ANO4: variants seen among roughly 807,000 people sequenced by gnomAD.
The protein encoded by ANO4 is anoctamin 4.
In ANO4, 69 loss-of-function variants were observed where a neutral mutation model predicts 141.9. The ratio of observed to expected loss-of-function variants is 0.49; its 90% confidence interval spans 0.40 to 0.59. The LOEUF is 0.59. Ranked by LOEUF, ANO4 falls within the 20% of genes least tolerant of loss-of-function variation. The pLI is 0.00. For missense variants in ANO4, 894 were observed against 1,162.2 expected (o/e 0.77, Z 3.36); for synonymous variants, 350 against 394.3 (o/e 0.89, Z 1.33).
intron 9 of ANO4, among the ~76,000 whole-genome samples, chr12:101,025,027 A>G (rs1036530025): frequency 6.6e-6 from 1 of 152,212 alleles, no homozygotes; most frequent in Non-Finnish European, 1.5e-5. Context: ...TTGAGAAATT[A>G]TGATAATCTC....
intron 3 of ANO4, among the ~76,000 whole-genome samples, chr12:100,785,682 A>G (rs1302117114): frequency 2.0e-5 from 3 of 152,176 alleles, no homozygotes; most frequent in African/African-American, 4.8e-5. Flanking sequence ...AGTTTTGGCA[A>G]TTATGAATAA....
chr12:101,029,835 G>A (rs60084762), intron 9 of ANO4, among the ~76,000 whole-genome samples: 33,529 of 145,756 alleles, frequency 0.23, 4,079 homozygotes, highest in Non-Finnish European at 0.28. Flanking sequence ...GCTTGAGCCC[G>A]GGAGACAGAG....
At chr12:101,091,209 C>T (rs936578259) in intron 17 of ANO4, among the ~76,000 whole-genome samples, 5 of 152,002 alleles carry the variant, frequency 3.3e-5, no homozygotes, top group South Asian at 4.1e-4. Context: ...AGGTTGCTAA[C>T]GCAAGAATAC....
chr12:100,829,793 G>T (rs982633911), intron 1 of ANO4, among the ~76,000 whole-genome samples: 8 of 152,100 alleles, frequency 5.3e-5, no homozygotes, highest in Admixed American at 1.3e-4. Flanking sequence ...TCTTTCTTTG[G>T]CTTGATAAAT....
rs186162043 is a variant in ANO4, at chr12:101,000,459, G to A, written c.734+12789G>A. Among the ~76,000 whole-genome samples, 143 of 152,012 alleles carry A rather than the reference G, an allele frequency of 9.4e-4. 2 individuals are homozygous for A. The highest frequency in any genetic ancestry group is 7.6e-4 in the Non-Finnish European group (52 of 67,980). The stretch of plus-strand genomic sequence containing the variant: ...AAGAGTTTTTTTTATTGTTTTCATC[G>A]ATCTGAAATCTTTAGAGAATCCTTC... On this transcript the variant is annotated intron_variant, in intron 8 of 27. Transcript: ENST00000392977.
At chr12:100,840,538 T>C (rs1319877429) in intron 1 of ANO4, among the ~76,000 whole-genome samples, 2 of 152,116 alleles carry the variant, frequency 1.3e-5, no homozygotes, top group African/African-American at 2.4e-5. Context: ...GGAACCTAGA[T>C]TGGGTGACTC....
intron 14 of ANO4, among the ~76,000 whole-genome samples, chr12:101,061,510 AG>A (rs770342576): frequency 2.6e-5 from 4 of 152,054 alleles, no homozygotes; most frequent in Admixed American, 6.5e-5. Context: ...CATCACTTTC[AG>A]GTACACCAAT....
chr12:101,022,240 A>T (rs1376280167), intron 9 of ANO4, among the ~76,000 whole-genome samples: 2 of 152,192 alleles, frequency 1.3e-5, no homozygotes, highest in Non-Finnish European at 2.9e-5. Flanking sequence ...AGTTAAACAC[A>T]TTCCCATTTC....
chr12:100,862,763 CTA>C (rs1177250350), intron 1 of ANO4, among the ~76,000 whole-genome samples: 1 of 152,160 alleles, frequency 6.6e-6, no homozygotes, highest in Non-Finnish European at 1.5e-5. Flanking sequence ...ATTATAATGG[CTA>C]TGACATCACT....
chr12:100,916,108 A>G (rs2041327121), intron 2 of ANO4, among the ~76,000 whole-genome samples: 1 of 152,160 alleles, frequency 6.6e-6, no homozygotes, highest in African/African-American at 2.4e-5. Context: ...ATAAAATTGG[A>G]AAATCATGAA....
intron 3 of ANO4, among the ~76,000 whole-genome samples, chr12:100,933,361 C>A (rs575644191): frequency 7.9e-5 from 12 of 152,222 alleles, no homozygotes; most frequent in African/African-American, 2.4e-4. Flanking sequence ...TGAGTGAGAG[C>A]ATGCGGTGTT....
intron 8 of ANO4, among the ~76,000 whole-genome samples, chr12:100,988,557 A>G (rs2044844043): frequency 6.6e-6 from 1 of 151,898 alleles, no homozygotes; most frequent in African/African-American, 2.4e-5. Context: ...AAAAAAAAAA[A>G]AAAAGGTTGC....
chr12:100,930,552 T>TA (rs1170385524), intron 3 of ANO4, among the ~76,000 whole-genome samples: 1 of 152,164 alleles, frequency 6.6e-6, no homozygotes. Flanking sequence ...TGTCTGTTTT[T>TA]ATGCCAGTTC....
At chr12:101,012,825 T>A (rs2046154485) in intron 8 of ANO4, among the ~76,000 whole-genome samples, 1 of 152,004 alleles carries the variant, frequency 6.6e-6, no homozygotes, top group African/African-American at 2.4e-5. Context: ...TGAGAAAGGG[T>A]CAGATTCAGG....
chr12:101,003,004 C>T (rs989117222), intron 8 of ANO4, among the ~76,000 whole-genome samples: 1 of 152,206 alleles, frequency 6.6e-6, no homozygotes, highest in African/African-American at 2.4e-5. Context: ...CTCTCCTCCC[C>T]ACAAACCTCA....
intron 9 of ANO4, among the ~76,000 whole-genome samples, chr12:101,028,780 T>G (rs1356682580): frequency 1.3e-5 from 2 of 152,152 alleles, no homozygotes; most frequent in Non-Finnish European, 2.9e-5. Flanking sequence ...CAGGAGAATT[T>G]CCCTAACCTA....
At chr12:100,720,473 A>G (rs949563233) in intron 1 of ANO4, among the ~76,000 whole-genome samples, 2 of 151,790 alleles carry the variant, frequency 1.3e-5, no homozygotes, top group Non-Finnish European at 2.9e-5. Flanking sequence ...CTAGAAGGTC[A>G]TTGTGGCTAG....
At chr12:100,853,590 A>G (rs1369613261) in intron 1 of ANO4, among the ~76,000 whole-genome samples, 3 of 149,624 alleles carry the variant, frequency 2.0e-5, no homozygotes, top group Middle Eastern at 3.2e-3. Context: ...TAGTTTTTAA[A>G]TAACTTTTGG....
chr12:101,013,782 T>G (rs182544129), intron 8 of ANO4, among the ~76,000 whole-genome samples: 3 of 152,342 alleles, frequency 2.0e-5, no homozygotes, highest in Admixed American at 2.0e-4. Context: ...ATTTTCATGA[T>G]CTCAGAAATT....
Sources: gnomAD v4.1 joint callset for allele counts (sites outside exome capture counted in the v4.1 genomes callset) on GRCh38, gnomAD v4.1.1 for gene constraint, MANE v1.5 for transcripts, NCBI Gene and HGNC (gene_info 2026-07-23, HGNC 2026-07-21) for gene names.